ZC3H12B: variants seen among roughly 807,000 people sequenced by gnomAD.
ZC3H12B encodes zinc finger CCCH-type containing 12B.
A neutral mutation model predicts 43.9 loss-of-function variants in ZC3H12B; 7 were observed. The observed-to-expected ratio is 0.16, with a 90% CI of 0.09 to 0.30. The LOEUF (loss-of-function observed/expected upper bound fraction) is 0.30, where lower values mean the gene tolerates loss of function less well. Ranked by LOEUF, ZC3H12B falls within the 10% of genes least tolerant of loss-of-function variation. The pLI, the probability that ZC3H12B is intolerant of heterozygous loss-of-function variation, is 1.00. For synonymous variants in ZC3H12B, 222 were observed against 241.7 expected (o/e 0.92, Z 0.76); for missense variants, 475 against 670.2 (o/e 0.71, Z 3.22).
chrX:65,367,230 G>C (rs988741360), intron 1 of ZC3H12B, among the ~76,000 whole-genome samples: 6 of 111,747 alleles, frequency 5.4e-5, no homozygotes, highest in Admixed American at 2.9e-4. Context: ...AGCAGATATA[G>C]GTACACAAGA....
the ZC3H12B span, among the ~76,000 whole-genome samples, chrX:65,252,776 A>G: frequency 8.9e-6 from 1 of 112,136 alleles, no homozygotes; most frequent in East Asian, 2.8e-4. Context: ...ACCCTGTAGC[A>G]TTATGTGTTT....
At chrX:65,235,546 C>A in the ZC3H12B span, among the ~76,000 whole-genome samples, 1 of 111,091 alleles carries the variant, frequency 9.0e-6, no homozygotes, top group African/African-American at 3.3e-5. Flanking sequence ...CTCACTTTGC[C>A]CACTCAGCCT....
chrX:65,458,062 T>TAAAAAAATAAAAAAAA (rs2067657994), intron 3 of ZC3H12B, among the ~76,000 whole-genome samples: 1 of 15,873 alleles, frequency 6.3e-5, no homozygotes, highest in African/African-American at 2.4e-4. Context: ...GAATGATCAA[T>TAAAAAAATAAAAAAAA]AAAAAAAAAA....
chrX:65,347,479 G>GA, the ZC3H12B span, among the ~76,000 whole-genome samples: 1 of 112,241 alleles, frequency 8.9e-6, no homozygotes, highest in East Asian at 2.8e-4. Context: ...ACAGACACAT[G>GA]AAAAAATGCT....
At chrX:65,435,037 C>CCT (rs762616974) in intron 3 of ZC3H12B, among the ~76,000 whole-genome samples, 298 of 112,047 alleles carry the variant, frequency 2.7e-3, no homozygotes, top group Non-Finnish European at 4.0e-3. Flanking sequence ...CAATCAAAGC[C>CCT]CTCACTTTAA....
chrX:65,071,515 C>A, the ZC3H12B span, among the ~76,000 whole-genome samples: 3 of 110,854 alleles, frequency 2.7e-5, no homozygotes, highest in Admixed American at 9.6e-5. Flanking sequence ...AGTTATTTTA[C>A]AGACTTGCTT....
chrX:65,305,383 C>T, the ZC3H12B span, among the ~76,000 whole-genome samples: 1 of 111,696 alleles, frequency 9.0e-6, no homozygotes, highest in Non-Finnish European at 1.9e-5. Context: ...GTAGCATAGG[C>T]AGTTGAAACT....
chrX:65,417,395 T>C, intron 3 of ZC3H12B, among the ~76,000 whole-genome samples: 1 of 112,781 alleles, frequency 8.9e-6, no homozygotes, highest in East Asian at 2.8e-4. Context: ...CTTTTACATA[T>C]AAAAATTGAA....
chrX:65,460,521 AT>A (rs1467058662), intron 3 of ZC3H12B, among the ~76,000 whole-genome samples: 2 of 111,848 alleles, frequency 1.8e-5, no homozygotes, highest in African/African-American at 3.3e-5. Context: ...ATATAGACCA[AT>A]GGCACAGAAC....
chrX:65,186,088 AC>A, the ZC3H12B span: 2 of 111,849 alleles, frequency 1.8e-5, no homozygotes, highest in Admixed American at 9.6e-5. Context: ...ATTTTCTGAC[AC>A]CTTGGGTAGC....
chrX:65,413,482 G>A (rs1167021010), intron 3 of ZC3H12B, among the ~76,000 whole-genome samples: 8 of 111,451 alleles, frequency 7.2e-5, no homozygotes, highest in African/African-American at 2.6e-4. Context: ...TGAAGTAGGG[G>A]TCAAACTTTT....
chrX:65,201,786 A>G, the ZC3H12B span, among the ~76,000 whole-genome samples: 1 of 107,429 alleles, frequency 9.3e-6, no homozygotes, highest in Non-Finnish European at 1.9e-5. Flanking sequence ...CATAATCTCC[A>G]CATGTTGTGG....
At chrX:65,135,900 C>A in the ZC3H12B span, among the ~76,000 whole-genome samples, 18 of 109,894 alleles carry the variant, frequency 1.6e-4, no homozygotes, top group Non-Finnish European at 2.3e-4. Flanking sequence ...TTCATTATAT[C>A]TTCTGTTTCT....
At chrX:65,068,673 T>A in the ZC3H12B span, among the ~76,000 whole-genome samples, 1 of 111,963 alleles carries the variant, frequency 8.9e-6, no homozygotes, top group Admixed American at 9.5e-5. Flanking sequence ...GTGACAGTGT[T>A]ATAATATTCT....
exon 5 of ZC3H12B, chrX:65,503,355 G>A (rs1488665573): frequency 1.4e-5 from 7 of 506,349 alleles, no homozygotes; most frequent in Admixed American, 4.5e-5. Flanking sequence ...ACCCTGTGAG[G>A]TACGTCTTAC....
chrX:65,082,750 A>G, the ZC3H12B span, among the ~76,000 whole-genome samples: 5 of 111,364 alleles, frequency 4.5e-5, no homozygotes, highest in Admixed American at 2.8e-4. Context: ...AGACTTCCAC[A>G]ATCATTCTAT....
At chrX:65,385,973 T>C (rs1054034972) in intron 2 of ZC3H12B, among the ~76,000 whole-genome samples, 5 of 112,188 alleles carry the variant, frequency 4.5e-5, no homozygotes, top group Admixed American at 9.4e-5. Context: ...GTTGAACCAG[T>C]CTTGCATCCC....
chrX:65,081,259 C>G, the ZC3H12B span, among the ~76,000 whole-genome samples: 1 of 111,016 alleles, frequency 9.0e-6, no homozygotes, highest in Non-Finnish European at 1.9e-5. Context: ...AAATATCAAA[C>G]TGACATGAGT....
At chrX:65,444,246 C>T (rs1217516152) in intron 3 of ZC3H12B, among the ~76,000 whole-genome samples, 1 of 112,404 alleles carries the variant, frequency 8.9e-6, no homozygotes, top group Non-Finnish European at 1.9e-5. Flanking sequence ...CTCATAACAA[C>T]TTCACACTGA....
Sources: allele counts gnomAD v4.1 joint callset (sites outside exome capture counted in the v4.1 genomes callset), GRCh38; gene constraint gnomAD v4.1.1; transcripts MANE v1.5; gene names NCBI Gene and HGNC (gene_info 2026-07-23, HGNC 2026-07-21).